The following GLI2 variants were observed in gnomAD, a reference collection of about 807,000 sequenced individuals.
The protein encoded by GLI2 is GLI family zinc finger 2.
Under a neutral mutation model 78.9 loss-of-function variants are expected in GLI2, and 22 were observed. That is an observed-to-expected ratio of 0.28 (90% confidence interval 0.20 to 0.40). The LOEUF (loss-of-function observed/expected upper bound fraction) is 0.40. GLI2 is among the 10% of genes least tolerant of loss of function. GLI2 has a pLI of 1.00. For synonymous variants in GLI2, 974 were observed against 963.7 expected, an observed-to-expected ratio of 1.01 and a Z score of -0.20; for missense variants, 2,097 against 2,213.2, an observed-to-expected ratio of 0.95 and a Z score of 1.05.
chr2:120,833,944 C>T (rs1686485112), intron 2 of GLI2, among the ~76,000 whole-genome samples: 1 of 152,162 alleles, frequency 6.6e-6, no homozygotes, highest in South Asian at 2.1e-4. Context: ...CTGTCATTGG[C>T]TTGTCTGGCT....
At chr2:120,987,917 C>T (rs1238535079) in intron 13 of GLI2, among the ~76,000 whole-genome samples, 2 of 152,310 alleles carry the variant, frequency 1.3e-5, no homozygotes, top group East Asian at 3.9e-4. Context: ...ATTGCTTTTT[C>T]CTTCCCCTTT....
At chr2:120,901,340 T>C (rs1678245012) in intron 2 of GLI2, among the ~76,000 whole-genome samples, 2 of 152,224 alleles carry the variant, frequency 1.3e-5, no homozygotes, top group African/African-American at 2.4e-5. Flanking sequence ...TTAAAAACCA[T>C]GCAGAGCTGC....
chr2:120,885,580 C>T (rs563297782), intron 2 of GLI2, among the ~76,000 whole-genome samples: 7 of 152,326 alleles, frequency 4.6e-5, no homozygotes, highest in South Asian at 2.1e-4. Flanking sequence ...GGGCCTGGGG[C>T]GGGGCAGCTA....
chr2:120,751,194 T>A (rs528142529), intron 1 of GLI2, among the ~76,000 whole-genome samples: 1 of 152,234 alleles, frequency 6.6e-6, no homozygotes, highest in Admixed American at 6.5e-5. Context: ...ATTGGCCTTT[T>A]CCCATCTTTA....
At chr2:120,740,835 G>A (rs1682512563) in intron 1 of GLI2, among the ~76,000 whole-genome samples, 1 of 152,220 alleles carries the variant, frequency 6.6e-6, no homozygotes, top group Admixed American at 6.5e-5. Context: ...TTGGGCAGCC[G>A]AGGGCCCCAG....
intron 2 of GLI2, among the ~76,000 whole-genome samples, chr2:120,810,944 T>C (rs1236200024): frequency 1.3e-5 from 2 of 152,172 alleles, no homozygotes; most frequent in Non-Finnish European, 2.9e-5. Flanking sequence ...ACCCATGAGC[T>C]CAGATGGAGG....
intron 2 of GLI2, among the ~76,000 whole-genome samples, chr2:120,891,803 A>G (rs1449231263): frequency 6.6e-6 from 1 of 152,202 alleles, no homozygotes; most frequent in African/African-American, 2.4e-5. Flanking sequence ...CCCCACTGAA[A>G]AAGCAGCAGA....
At chr2:120,955,477 T>C (rs1681216222) in intron 5 of GLI2, 47 bp downstream of exon 5, 2 of 1,244,952 alleles carry the variant, frequency 1.6e-6, no homozygotes, top group Non-Finnish European at 2.2e-6. Flanking sequence ...GCAGATCTCC[T>C]CTTGAGGCTG....
chr2:120,859,035 C>T (rs1687785940), intron 2 of GLI2, among the ~76,000 whole-genome samples: 1 of 152,116 alleles, frequency 6.6e-6, no homozygotes, highest in Admixed American at 6.5e-5. Context: ...GCCCCCTCCC[C>T]TCGACCTGGC....
chr2:120,947,342 A>T (rs1404558722), intron 3 of GLI2, among the ~76,000 whole-genome samples: 3 of 152,248 alleles, frequency 2.0e-5, no homozygotes, highest in African/African-American at 7.2e-5. Context: ...AGATGGGCAT[A>T]AAGTGCCTGT....
In GLI2 at chr2:120,982,719, G is replaced by A. The variant is rs781146798; in HGVS notation, c.1471G>A (p.Glu491Lys). 66 of 1,612,206 alleles carry A rather than the reference G, an allele frequency of 4.1e-5. No homozygotes were observed. In the South Asian group the frequency reaches 5.8e-4, roughly 14 times the overall value. Residue 491 changes from glutamate to lysine, a missense_variant, in exon 11 of 14, where the codon GAG (glutamate) becomes AAG (lysine). Physicochemically the swap from Glu to Lys is moderately conservative, Grantham distance 56 (BLOSUM62 1). Coordinates refer to ENST00000361492, the MANE Select transcript of GLI2 (RefSeq NM_001374353.1). ...TGACTGAACCGCCTCCTTCTAGTTCGAGGGCTGCTCGAAGGCCTACTCCCG... is the reference window on the plus strand; with the variant it reads ...TGACTGAACCGCCTCCTTCTAGTTCAAGGGCTGCTCGAAGGCCTACTCCCG... The part of the protein sequence containing the change: ...TGEKPHKCTF[E>K]GCSKAYSRLE...
chr2:120,971,535 TCTC>T (rs1417153784), intron 7 of GLI2, among the ~76,000 whole-genome samples: 4 of 152,204 alleles, frequency 2.6e-5, no homozygotes, highest in Non-Finnish European at 5.9e-5. Flanking sequence ...TCTAGCCCCT[TCTC>T]CTGAGGAACT....
intron 3 of GLI2, among the ~76,000 whole-genome samples, chr2:120,931,277 C>T (rs1408883930): frequency 4.6e-5 from 7 of 152,238 alleles, no homozygotes; most frequent in Non-Finnish European, 8.8e-5. Context: ...CTTACAGCCC[C>T]GTCCTCACAC....
At chr2:120,846,447 C>T (rs554035733) in intron 2 of GLI2, among the ~76,000 whole-genome samples, 2 of 152,360 alleles carry the variant, frequency 1.3e-5, no homozygotes, top group South Asian at 2.1e-4. Flanking sequence ...GGGCTCTTCA[C>T]AGCTGCTGGG....
intron 2 of GLI2, among the ~76,000 whole-genome samples, chr2:120,843,736 G>A (rs1686988857): frequency 6.6e-6 from 1 of 152,060 alleles, no homozygotes; most frequent in Non-Finnish European, 1.5e-5. Context: ...GCACGATCTC[G>A]ACTCACTGCA....
chr2:120,801,131 C>CT (rs1558803516), intron 2 of GLI2, among the ~76,000 whole-genome samples: 1 of 152,062 alleles, frequency 6.6e-6, no homozygotes, highest in Admixed American at 6.5e-5. Flanking sequence ...AAGGATTTCA[C>CT]TTTTTTGTTT....
intron 3 of GLI2, among the ~76,000 whole-genome samples, chr2:120,937,498 G>A (rs1402295013): frequency 6.6e-6 from 1 of 152,164 alleles, no homozygotes; most frequent in Non-Finnish European, 1.5e-5. Context: ...GGAAGAGGGG[G>A]TATGGGAAGC....
intron 2 of GLI2, among the ~76,000 whole-genome samples, chr2:120,841,630 C>T (rs908249644): frequency 6.6e-6 from 1 of 152,156 alleles, no homozygotes; most frequent in African/African-American, 2.4e-5. Flanking sequence ...TTCTGTGTGC[C>T]CAGCACTGTC....
At chr2:120,917,129 G>A (rs1157740042) in intron 2 of GLI2, among the ~76,000 whole-genome samples, 5 of 152,204 alleles carry the variant, frequency 3.3e-5, no homozygotes, top group Admixed American at 1.3e-4. Context: ...TTGGGAGGGC[G>A]CTGGCCTTCT....
Sources: allele counts gnomAD v4.1 joint callset (sites outside exome capture counted in the v4.1 genomes callset), GRCh38; gene constraint gnomAD v4.1.1; transcripts MANE v1.5; gene names NCBI Gene and HGNC (gene_info 2026-07-23, HGNC 2026-07-21).